Variants in MYCBP2 observed in about 807,000 individuals in gnomAD.
MYCBP2 encodes the protein MYC binding protein 2, also known as E3 ubiquitin-protein ligase MYCBP2.
A neutral mutation model predicts 525.3 loss-of-function variants in MYCBP2; 120 were observed. That is an observed-to-expected ratio of 0.23 (90% CI 0.20 to 0.27). MYCBP2 has a LOEUF of 0.27. Among genes scored for constraint, MYCBP2 ranks in the 10% least tolerant of loss-of-function variants. The pLI is 1.00. For synonymous variants in MYCBP2, 1,894 were observed against 1,955.8 expected (o/e 0.97, Z 0.83); for missense variants, 4,149 against 5,657.1 (o/e 0.73, Z 8.55).
intron 43 of MYCBP2, 82 bp from the exon 44 acceptor site, chr13:77,162,037 C>CT (rs1001934118): frequency 1.1e-6 from 1 of 942,312 alleles, no homozygotes; most frequent in East Asian, 2.6e-5. Flanking sequence ...ATTCATTACA[C>CT]TTTTTTTAAA....
chr13:77,078,275 G>A (rs2042666140), intron 66 of MYCBP2, among the ~76,000 whole-genome samples: 1 of 152,164 alleles, frequency 6.6e-6, no homozygotes, highest in Non-Finnish European at 1.5e-5. Flanking sequence ...CCAACTTTTT[G>A]TGAGATAAAG....
chr13:77,301,482 G>A (rs774050438), intron 1 of MYCBP2, among the ~76,000 whole-genome samples: 45 of 148,006 alleles, frequency 3.0e-4, no homozygotes, highest in East Asian at 2.0e-4. Context: ...GAAAACTTCC[G>A]TAAGAAGACA....
intron 4 of MYCBP2, 57 bp from the exon 5 acceptor site, chr13:77,273,725 T>C: frequency 2.4e-6 from 3 of 1,229,136 alleles, no homozygotes; most frequent in Non-Finnish European, 3.2e-6. Context: ...ATTATATGCG[T>C]ATATTTATTT....
At chr13:77,316,021 TTTAAAAAACTGTAAGA>T in intron 1 of MYCBP2, among the ~76,000 whole-genome samples, 1 of 152,124 alleles carries the variant, frequency 6.6e-6, no homozygotes, top group East Asian at 1.9e-4. Context: ...TACTTAATGA[TTTAAAAAACTGTAAGA>T]TTAATTTGTA....
In MYCBP2 at chr13:77,215,907, T is replaced by C. The variant is rs1289868331; in HGVS notation, c.3057+1933A>G. On this transcript the variant is annotated intron_variant, in intron 21 of 82. Coordinates refer to ENST00000544440, the MANE Select transcript of MYCBP2 (RefSeq NM_015057.5). ...ATGATTTCTAAAATACATACATATA[T>C]GTGGACATATAAATATATGCATACC... Among the ~76,000 whole-genome samples, 3 of 152,332 alleles carry C rather than the reference T, an allele frequency of 2.0e-5. No individual in the cohort carries two copies. The East Asian group carries it at 5.8e-4, about 29-fold the overall frequency.
rs1256191570 is a variant in MYCBP2 at position 77,326,077 on chromosome 13, C to A, written c.302+397G>T. 6.6e-6 allele frequency among the ~76,000 whole-genome samples: 1 copy of A among 151,998 alleles called. No homozygotes were observed. Among genetic ancestry groups the A allele is most frequent in the African/African-American group, 2.4e-5 (1 of 41,372 alleles). ...ACACTGAAAACGCCACTTCCCTTGC[C>A]ACTGTTGCAATTCTCTTCGTGTATC... On this transcript the variant is annotated intron_variant, in intron 1 of 82. Coordinates refer to ENST00000544440, the MANE Select transcript of MYCBP2 (RefSeq NM_015057.5). This position sits in a 1 kb window ranked among gnomAD's most constrained non-coding sequence, Gnocchi z 4.2.
intron 1 of MYCBP2, among the ~76,000 whole-genome samples, chr13:77,311,027 A>T (rs2080134020): frequency 6.6e-6 from 1 of 152,218 alleles, no homozygotes; most frequent in Non-Finnish European, 1.5e-5. Context: ...AGGGGAGTCA[A>T]AACTTGGAAA....
chr13:77,053,254 T>A (rs566704377), intron 80 of MYCBP2, among the ~76,000 whole-genome samples: 1 of 152,180 alleles, frequency 6.6e-6, no homozygotes, highest in South Asian at 2.1e-4. Flanking sequence ...ATAAATAGAA[T>A]TTGAATAAAT....
At chr13:77,145,552 G>T (rs2055396100) in intron 48 of MYCBP2, among the ~76,000 whole-genome samples, 1 of 151,964 alleles carries the variant, frequency 6.6e-6, no homozygotes, top group Non-Finnish European at 1.5e-5. Context: ...GTTTCAAACT[G>T]GTATTTCCAG....
intron 21 of MYCBP2, among the ~76,000 whole-genome samples, chr13:77,214,450 TAAAAA>T (rs112804113): frequency 6.9e-6 from 1 of 145,260 alleles, no homozygotes; most frequent in African/African-American, 2.5e-5. Context: ...TACATGGAGG[TAAAAA>T]AAAAAATGAA....
chr13:77,314,896 C>G (rs2080743861), intron 1 of MYCBP2, among the ~76,000 whole-genome samples: 1 of 151,980 alleles, frequency 6.6e-6, no homozygotes, highest in Admixed American at 6.6e-5. Context: ...ACCCTCTTCT[C>G]AATTTTGCTA....
chr13:77,315,747 TAGTC>T (rs1277747375), intron 1 of MYCBP2, among the ~76,000 whole-genome samples: 2 of 151,604 alleles, frequency 1.3e-5, no homozygotes, highest in Non-Finnish European at 2.9e-5. Flanking sequence ...ATACAAAAAT[TAGTC>T]AGGCATAGTG....
chr13:77,141,376 CACTA>C (rs766083768), intron 49 of MYCBP2, among the ~76,000 whole-genome samples: 4 of 152,124 alleles, frequency 2.6e-5, no homozygotes, highest in Non-Finnish European at 5.9e-5. Context: ...CAATATCTCG[CACTA>C]ACTGTTTGAC....
At chr13:77,131,262 C>G (rs530588052) in intron 52 of MYCBP2, among the ~76,000 whole-genome samples, 18 of 152,166 alleles carry the variant, frequency 1.2e-4, no homozygotes, top group Admixed American at 5.9e-4. Context: ...CATGCCTATA[C>G]TCGTAGCTAT....
intron 47 of MYCBP2, among the ~76,000 whole-genome samples, chr13:77,147,170 T>C (rs776154828): frequency 3.3e-5 from 5 of 152,036 alleles, no homozygotes; most frequent in Non-Finnish European, 7.4e-5. Context: ...ACCCAAAATA[T>C]ACTGCTTATG....
At chr13:77,135,302 T>C (rs533472847) in intron 52 of MYCBP2, among the ~76,000 whole-genome samples, 20 of 152,332 alleles carry the variant, frequency 1.3e-4, no homozygotes, top group Middle Eastern at 3.4e-3. Flanking sequence ...TCATTTACTT[T>C]AAACGAACTG....
Position 77,158,102 on chromosome 13 carries a change from T to C in MYCBP2, c.6605A>G (p.Lys2202Arg), listed in dbSNP as rs747584962. 3 of 1,576,128 alleles carry C rather than the reference T, an allele frequency of 1.9e-6. No individual in the cohort carries two copies. The highest frequency in any genetic ancestry group is 2.6e-6 in the Non-Finnish European group (3 of 1,165,140). The change falls in exon 45 of 83, where the codon AAA becomes AGA. Residue 2202 changes from lysine (K) to arginine (R), a missense_variant. Around this residue, in one of 21 missense-constraint regions of MYCBP2, gnomAD observed 692 missense variants for 852.7 expected, o/e 0.81. Coordinates refer to ENST00000544440, the MANE Select transcript of MYCBP2 (RefSeq NM_015057.5). ...ILEEAALQVC[K>R]THSGILGKGL... Reference sequence around the variant, plus strand: ...CTTTCCAAGAATTCCAGAATGGGTTTTGCACACCTGTTAAGTAAAAAAGAA... The same window carrying C: ...CTTTCCAAGAATTCCAGAATGGGTTCTGCACACCTGTTAAGTAAAAAAGAA...
chr13:77,299,950 C>T (rs1257187630), intron 1 of MYCBP2, among the ~76,000 whole-genome samples: 1 of 152,138 alleles, frequency 6.6e-6, no homozygotes, highest in African/African-American at 2.4e-5. Flanking sequence ...TCAAATACTT[C>T]TGCAATATAA....
chr13:77,189,095 A>AT (rs750662803), intron 29 of MYCBP2, 48 bp from the exon 30 acceptor site: 1 of 1,358,614 alleles, frequency 7.4e-7, no homozygotes, highest in South Asian at 1.4e-5. Context: ...GTCCAATGTC[A>AT]TTTTTTCTTT....
Sources: allele counts gnomAD v4.1 joint callset (sites outside exome capture counted in the v4.1 genomes callset), GRCh38; gene constraint gnomAD v4.1.1; regional missense constraint gnomAD v4.1.1; non-coding constraint Gnocchi (gnomAD v3.1); transcripts MANE v1.5; gene names NCBI Gene and HGNC (gene_info 2026-07-23, HGNC 2026-07-21).